GADL1: variants seen among roughly 807,000 people sequenced by gnomAD.
GADL1 encodes the protein acidic amino acid decarboxylase GADL1.
A neutral mutation model predicts 69.5 loss-of-function variants in GADL1; 71 were observed. The observed-to-expected ratio is 1.02, with a 90% confidence interval of 0.84 to 1.25. The LOEUF is 1.25. GADL1 is among the 50% of genes most tolerant of loss of function. The pLI is 0.00. For synonymous variants in GADL1, 254 were observed against 214.4 expected (o/e 1.18, Z -1.62); for missense variants, 737 against 631.8 (o/e 1.17, Z -1.79).
At chr3:30,778,042 A>G in intron 14 of GADL1, 137 bp downstream of exon 14, 2 of 588,470 alleles carry the variant, frequency 3.4e-6, no homozygotes, top group Admixed American at 3.0e-5. Flanking sequence ...TTGGCCTGTC[A>G]TTACTTTTTA....
At chr3:30,854,932 C>T (rs1371201717) in intron 3 of GADL1, 143 bp from the exon 4 acceptor site, 5 of 559,704 alleles carry the variant, frequency 8.9e-6, no homozygotes, top group Non-Finnish European at 1.6e-5. Flanking sequence ...ATTTATATGA[C>T]ATTCAAAACC....
At position 30,833,419 on chromosome 3, in the gene GADL1, C is replaced by T. The variant is rs533768230; in HGVS notation, c.1050+434G>A. Among the ~76,000 whole-genome samples the T allele has an allele frequency of 1.5e-4, 23 of 152,158 alleles. No homozygotes were observed. In the East Asian group the frequency reaches 3.7e-3, roughly 24 times the overall value. ...CTGAACAAATGTCTTCCCATATAAA[C>T]GGGCTGTTAAGCCCTAGCTAAGCGT... On this transcript the variant is annotated intron_variant, in intron 11 of 14. Transcript: ENST00000282538.
intron 14 of GADL1, among the ~76,000 whole-genome samples, chr3:30,735,461 T>G (rs1695528754): frequency 6.6e-6 from 1 of 152,084 alleles, no homozygotes; most frequent in Non-Finnish European, 1.5e-5. Flanking sequence ...TACTCAGCAA[T>G]TAAAGGGAAT....
At chr3:30,808,806 T>G (rs1398151992) in intron 11 of GADL1, among the ~76,000 whole-genome samples, 1 of 152,220 alleles carries the variant, frequency 6.6e-6, no homozygotes, top group Non-Finnish European at 1.5e-5. Context: ...GTTATAAATA[T>G]TCCCTCTTTC....
intron 14 of GADL1, among the ~76,000 whole-genome samples, chr3:30,742,273 C>T (rs1695636958): frequency 6.6e-6 from 1 of 151,320 alleles, no homozygotes; most frequent in South Asian, 2.1e-4. Flanking sequence ...GTTATTGGAA[C>T]ATTAAGTGGT....
At chr3:30,789,390 A>T (rs1696867086) in intron 12 of GADL1, among the ~76,000 whole-genome samples, 1 of 152,184 alleles carries the variant, frequency 6.6e-6, no homozygotes, top group Non-Finnish European at 1.5e-5. Flanking sequence ...ATGTGCTGTC[A>T]CAGGCTTTGT....
intron 14 of GADL1, among the ~76,000 whole-genome samples, chr3:30,733,932 T>C (rs1695504595): frequency 6.6e-6 from 1 of 152,112 alleles, no homozygotes; most frequent in Non-Finnish European, 1.5e-5. Context: ...AGTGGCTATC[T>C]AGAAGGCAGA....
chr3:30,818,083 C>T (rs1208191063), intron 11 of GADL1, among the ~76,000 whole-genome samples: 1 of 152,190 alleles, frequency 6.6e-6, no homozygotes, highest in Non-Finnish European at 1.5e-5. Flanking sequence ...GCCCAGTTCA[C>T]AATGACCCCT....
chr3:30,735,035 G>A (rs1695522417), intron 14 of GADL1, among the ~76,000 whole-genome samples: 1 of 152,064 alleles, frequency 6.6e-6, no homozygotes, highest in African/African-American at 2.4e-5. Context: ...TTTTCTTCCT[G>A]ATTTAGTCTT....
At chr3:30,867,423 C>CACATATATATAT (rs1698419000) in intron 1 of GADL1, among the ~76,000 whole-genome samples, 1 of 115,056 alleles carries the variant, frequency 8.7e-6, no homozygotes, top group African/African-American at 2.8e-5. Flanking sequence ...TACAATACTA[C>CACATATATATAT]ATATATATAT....
intron 14 of GADL1, among the ~76,000 whole-genome samples, chr3:30,753,882 C>T (rs1350398570): frequency 6.6e-6 from 1 of 152,124 alleles, no homozygotes; most frequent in Non-Finnish European, 1.5e-5. Context: ...TTAGTGGACC[C>T]TGCAAATGAG....
chr3:30,760,096 CAAT>C (rs1380367059), intron 14 of GADL1, among the ~76,000 whole-genome samples: 2 of 152,144 alleles, frequency 1.3e-5, no homozygotes, highest in Admixed American at 6.5e-5. Flanking sequence ...ACAGTATTGT[CAAT>C]AAGTCATGTT....
At chr3:30,881,019 T>G (rs76837951) in intron 1 of GADL1, among the ~76,000 whole-genome samples, 1 of 151,884 alleles carries the variant, frequency 6.6e-6, no homozygotes, top group South Asian at 2.1e-4. Context: ...AGCATAGGCA[T>G]TGTCCTTTTC....
chr3:30,871,245 G>A (rs1237781625), intron 1 of GADL1, among the ~76,000 whole-genome samples: 1 of 151,664 alleles, frequency 6.6e-6, no homozygotes, highest in Non-Finnish European at 1.5e-5. Flanking sequence ...ACTGAAAGCT[G>A]TTGATGGGAT....
At chr3:30,854,958 G>A (rs967964552) in intron 3 of GADL1, among the ~76,000 whole-genome samples, 169 bp from the exon 4 acceptor site, 5 of 152,066 alleles carry the variant, frequency 3.3e-5, no homozygotes, top group African/African-American at 1.2e-4. Flanking sequence ...AGCTATCTAA[G>A]GAGATGGCGG....
At chr3:30,874,821 G>GA (rs970041415) in intron 1 of GADL1, among the ~76,000 whole-genome samples, 4 of 151,832 alleles carry the variant, frequency 2.6e-5, no homozygotes, top group South Asian at 2.1e-4. Context: ...AAGTAAAGCA[G>GA]AAAAAAACCT....
intron 14 of GADL1, among the ~76,000 whole-genome samples, chr3:30,744,239 T>G (rs886346945): frequency 1.3e-5 from 2 of 152,188 alleles, no homozygotes; most frequent in African/African-American, 4.8e-5. Flanking sequence ...TAATTTTCCC[T>G]GTATTCAAAG....
chr3:30,815,515 G>A (rs544545319), intron 11 of GADL1, among the ~76,000 whole-genome samples: 1 of 152,258 alleles, frequency 6.6e-6, no homozygotes, highest in South Asian at 2.1e-4. Flanking sequence ...GCAAATCCTG[G>A]GGGAGAGTGA....
chr3:30,860,175 C>T (rs1043735628), intron 2 of GADL1, among the ~76,000 whole-genome samples: 2 of 151,870 alleles, frequency 1.3e-5, no homozygotes, highest in African/African-American at 2.4e-5. Context: ...TCAAAGTACT[C>T]GCTCCTGAGT....
Sources: allele counts gnomAD v4.1 joint callset (sites outside exome capture counted in the v4.1 genomes callset), GRCh38; gene constraint gnomAD v4.1.1; transcripts MANE v1.5; gene names NCBI Gene and HGNC (gene_info 2026-07-23, HGNC 2026-07-21).